Variants in ZFHX3 observed in about 807,000 individuals in gnomAD.
The protein encoded by ZFHX3 is zinc finger homeobox protein 3.
In ZFHX3, 42 loss-of-function variants were observed where a neutral mutation model predicts 279.1. That is an observed-to-expected ratio of 0.15 (90% CI 0.12 to 0.19). The LOEUF (loss-of-function observed/expected upper bound fraction) is 0.19. ZFHX3 is among the 10% of genes least tolerant of loss of function. ZFHX3 has a pLI of 1.00. For synonymous variants in ZFHX3, 2,293 were observed against 1,957.8 expected (o/e 1.17, Z -4.52); for missense variants, 4,981 against 4,754.0 (o/e 1.05, Z -1.40).
chr16:73,647,969 T>A (rs1197589870), intron 2 of ZFHX3, among the ~76,000 whole-genome samples: 1 of 151,932 alleles, frequency 6.6e-6, no homozygotes. Flanking sequence ...CAAAAAAAAA[T>A]TTTAACTGAT....
chr16:73,460,909 C>G (rs912275702), intron 2 of ZFHX3, among the ~76,000 whole-genome samples: 5 of 152,168 alleles, frequency 3.3e-5, no homozygotes, highest in African/African-American at 1.2e-4. Context: ...TTTCCTGAGG[C>G]CTCTCCAGAA....
chr16:73,172,000 T>A (rs1471245566), intron 5 of ZFHX3, among the ~76,000 whole-genome samples: 2 of 152,044 alleles, frequency 1.3e-5, no homozygotes, highest in Non-Finnish European at 2.9e-5. Context: ...TGGGAAAAAA[T>A]TCCCTTTTGG....
chr16:73,539,553 AC>A (rs769636926), intron 2 of ZFHX3, among the ~76,000 whole-genome samples: 2 of 148,576 alleles, frequency 1.3e-5, no homozygotes, highest in South Asian at 4.2e-4. Context: ...AAATCTGTAA[AC>A]CACAAAGCAG....
intron 4 of ZFHX3, among the ~76,000 whole-genome samples, chr16:73,314,904 A>G (rs1320368683): frequency 1.3e-5 from 2 of 152,238 alleles, no homozygotes; most frequent in African/African-American, 2.4e-5. Flanking sequence ...GATTCTCATT[A>G]GATAATTTGT....
intron 1 of ZFHX3, among the ~76,000 whole-genome samples, chr16:73,885,184 A>G (rs2030305264): frequency 6.6e-6 from 1 of 152,164 alleles, no homozygotes. Flanking sequence ...ACCTTTCTGA[A>G]GACAAAGATG....
chr16:73,314,842 C>T (rs2015406030), intron 4 of ZFHX3, among the ~76,000 whole-genome samples: 1 of 152,232 alleles, frequency 6.6e-6, no homozygotes, highest in Non-Finnish European at 1.5e-5. Flanking sequence ...ATTTACTGAG[C>T]ACCTTCCACT....
intron 2 of ZFHX3, among the ~76,000 whole-genome samples, chr16:73,646,327 T>C (rs1409735391): frequency 2.0e-5 from 3 of 152,062 alleles, no homozygotes; most frequent in Non-Finnish European, 2.9e-5. Context: ...ACAATGAGGG[T>C]ACCCACCTCA....
intron 3 of ZFHX3, among the ~76,000 whole-genome samples, chr16:72,931,405 A>ACGCGCG (rs1491384747): frequency 0.14 from 572 of 4,234 alleles, 17 homozygotes; most frequent in South Asian, 0.066. Context: ...TTATTTCATT[A>ACGCGCG]CACACACACA....
At chr16:73,043,603 G>T (rs1262305551) in intron 1 of ZFHX3, among the ~76,000 whole-genome samples, 1 of 152,166 alleles carries the variant, frequency 6.6e-6, no homozygotes, top group Non-Finnish European at 1.5e-5. Flanking sequence ...CCCCATCACT[G>T]CCTAGACCAC....
intron 1 of ZFHX3, among the ~76,000 whole-genome samples, chr16:73,811,720 T>C (rs1055228209): frequency 6.6e-6 from 1 of 152,038 alleles, no homozygotes; most frequent in South Asian, 2.1e-4. Context: ...GCTGGGATTA[T>C]AGGCATGAGC....
chr16:73,198,128 G>A (rs1968194259), intron 5 of ZFHX3, among the ~76,000 whole-genome samples: 1 of 151,482 alleles, frequency 6.6e-6, no homozygotes, highest in African/African-American at 2.4e-5. Context: ...TAGTAGAGGT[G>A]GGGTTTCACT....
At chr16:73,474,498 T>C (rs907626870) in intron 2 of ZFHX3, among the ~76,000 whole-genome samples, 9 of 152,184 alleles carry the variant, frequency 5.9e-5, no homozygotes, top group Admixed American at 5.2e-4. Flanking sequence ...TTTGCTTGCA[T>C]TTTTATATAA....
intron 2 of ZFHX3, among the ~76,000 whole-genome samples, chr16:73,519,620 A>G (rs2019579048): frequency 6.6e-6 from 1 of 152,142 alleles, no homozygotes; most frequent in Non-Finnish European, 1.5e-5. Flanking sequence ...TCCTGGTCAC[A>G]TGCCACCTGT....
At chr16:73,553,756 A>T (rs1050097576) in intron 2 of ZFHX3, among the ~76,000 whole-genome samples, 6 of 152,204 alleles carry the variant, frequency 3.9e-5, no homozygotes, top group African/African-American at 1.2e-4. Context: ...CATAGACTCC[A>T]GGTCTGCCTC....
intron 5 of ZFHX3, among the ~76,000 whole-genome samples, chr16:73,148,671 G>T (rs1264443685): frequency 3.3e-5 from 5 of 149,388 alleles, no homozygotes; most frequent in Admixed American, 2.7e-4. Flanking sequence ...GTTGGGTTGG[G>T]CATGGTGGCT....
At chr16:72,885,236 A>G (rs932921897) in intron 4 of ZFHX3, among the ~76,000 whole-genome samples, 46 of 152,274 alleles carry the variant, frequency 3.0e-4, no homozygotes, top group Admixed American at 2.9e-3. Context: ...TGGCAGGGCC[A>G]CATGGGCACA....
chr16:73,416,355 G>T (rs1165261881), intron 3 of ZFHX3, among the ~76,000 whole-genome samples: 2 of 152,100 alleles, frequency 1.3e-5, no homozygotes, highest in African/African-American at 4.8e-5. Flanking sequence ...ATTCTACAAG[G>T]TGAGAATAAA....
chr16:73,424,228 A>T (rs535141134), intron 3 of ZFHX3, among the ~76,000 whole-genome samples: 1 of 152,330 alleles, frequency 6.6e-6, no homozygotes, highest in East Asian at 1.9e-4. Context: ...GTAGTCTCTC[A>T]CTAGTCATGC....
rs115102783 is a variant in ZFHX3 at position 73,888,488 on chromosome 16, C to G, written c.-1608+3163G>C. Among the ~76,000 whole-genome samples the G allele has an allele frequency of 9.7e-3, 1,471 of 152,196 alleles. 28 individuals are homozygous for G. The highest frequency in any genetic ancestry group is 0.034 in the African/African-American group (1,399 of 41,520). The stretch of plus-strand genomic sequence containing the variant: ...AACACATTTCTTCTAGATTTCAATT[C>G]AAGGAGAAAAGGTAAATAGGATTTC... On this transcript the variant is annotated intron_variant, in intron 1 of 17. Transcript: ENST00000641206.
Sources: gnomAD v4.1 joint callset for allele counts (sites outside exome capture counted in the v4.1 genomes callset) on GRCh38, gnomAD v4.1.1 for gene constraint, MANE v1.5 for transcripts, NCBI Gene and HGNC (gene_info 2026-07-23, HGNC 2026-07-21) for gene names.